CENPU: variants seen among roughly 807,000 people sequenced by gnomAD.
CENPU encodes KSHV latent nuclear antigen interacting protein 1.
Under a neutral mutation model 56.7 loss-of-function variants are expected in CENPU, and 46 were observed. The ratio of observed to expected loss-of-function variants is 0.81; its 90% CI spans 0.64 to 1.04. The LOEUF (loss-of-function observed/expected upper bound fraction) is 1.04, where lower values mean the gene tolerates loss of function less well. Ranked by LOEUF, CENPU falls within the 50% of genes least tolerant of loss-of-function variation. CENPU has a pLI of 0.00. For missense variants in CENPU, 510 were observed against 490.1 expected (o/e 1.04, Z -0.38); for synonymous variants, 166 against 163.0 (o/e 1.02, Z -0.14).
Position 184,694,343 on chromosome 4 carries a change from C to T in CENPU, c.*945G>A, listed in dbSNP as rs368791370. The T allele has an allele frequency of 8.0e-6, 11 of 1,380,840 alleles. No individual in the cohort carries two copies. Among genetic ancestry groups the T allele is most frequent in the Admixed American group, 3.0e-5 (1 of 33,522 alleles). 85.5% of individuals were successfully genotyped at this position (1,380,840 alleles called of 1,614,324 possible). On this transcript the variant is annotated 3_prime_UTR_variant, in exon 13 of 13. Transcript: ENST00000281453. ...GTGTGTCTGAGCTTCAGTGCAGCAACGTTTGAATCAGTGCACTCATTCCCA... is the reference window on the plus strand; with the variant it reads ...GTGTGTCTGAGCTTCAGTGCAGCAATGTTTGAATCAGTGCACTCATTCCCA...
chr4:184,700,846 C>T lies in CENPU; in HGVS notation c.960G>A (p.Met320Ile). 6.2e-7 allele frequency: 1 copy of T among 1,613,992 alleles called. No individual in the cohort carries two copies. The highest frequency in any genetic ancestry group is 8.5e-7 in the Non-Finnish European group (1 of 1,179,830). ...ISDIEKKRQR[M>I]IEVQDELLRL... ...GAAGCAGTTCATCCTGGACTTCAAT[C>T]ATACGCTGCCTTTTCTTTTCGATAT... The change falls in exon 11 of 13, where the codon ATG (methionine) becomes ATA (isoleucine). Residue 320 changes from methionine to isoleucine, a missense_variant. Transcript: ENST00000281453.
At position 184,699,109 on chromosome 4, in the gene CENPU, C is replaced by T. The variant is rs925464662; in HGVS notation, c.987-1306G>A. On this transcript the variant is annotated intron_variant, in intron 11 of 12. Transcript: ENST00000281453. ...TTGGGAGGCCAAGGCAGGCGAATCA[C>T]GAGGTCAGGAGATCCAGAGCATCCT... is the stretch of plus-strand genomic sequence containing the variant. Among the ~76,000 whole-genome samples the T allele has an allele frequency of 2.6e-5, 4 of 152,008 alleles. No individual in the cohort carries two copies. The East Asian group carries it at 5.8e-4, about 22-fold the overall frequency.
intron 11 of CENPU, among the ~76,000 whole-genome samples, chr4:184,699,254 C>T (rs990991113): frequency 3.3e-5 from 5 of 152,076 alleles, no homozygotes; most frequent in African/African-American, 9.7e-5. Context: ...AGCGCGAACC[C>T]GGGAGGCGGA....
At chr4:184,698,588 T>C (rs1320904703) in intron 11 of CENPU, among the ~76,000 whole-genome samples, 3 of 152,056 alleles carry the variant, frequency 2.0e-5, no homozygotes, top group Non-Finnish European at 4.4e-5. Context: ...GTAGCTGGGA[T>C]TACAGGTGCC....
At chr4:184,722,986 C>T (rs1761330613) in intron 4 of CENPU, among the ~76,000 whole-genome samples, 3 of 152,172 alleles carry the variant, frequency 2.0e-5, no homozygotes, top group Admixed American at 6.5e-5. Context: ...AAAGGACAAA[C>T]ACGTTTCATT....
At chr4:184,733,681 C>G (rs1450189049) in intron 1 of CENPU, among the ~76,000 whole-genome samples, 1 of 152,204 alleles carries the variant, frequency 6.6e-6, no homozygotes, top group Non-Finnish European at 1.5e-5. Flanking sequence ...TCTGGCAAAC[C>G]GCAGGCAATA....
intron 7 of CENPU, among the ~76,000 whole-genome samples, chr4:184,711,548 C>G (rs559897729): frequency 1.1e-4 from 16 of 152,218 alleles, no homozygotes; most frequent in African/African-American, 3.9e-4. Context: ...ACCAGCCTCC[C>G]CCTCTCCCCT....
At chr4:184,699,287 G>A (rs931006753) in intron 11 of CENPU, among the ~76,000 whole-genome samples, 20 of 152,126 alleles carry the variant, frequency 1.3e-4, no homozygotes, top group African/African-American at 4.3e-4. Flanking sequence ...CCAAGATAGC[G>A]CCACCGCACT....
At chr4:184,705,894 A>G (rs1041371949) in intron 8 of CENPU, among the ~76,000 whole-genome samples, 1 of 152,236 alleles carries the variant, frequency 6.6e-6, no homozygotes, top group Non-Finnish European at 1.5e-5. Context: ...TCCGTGAAGT[A>G]TTCGAAGTAG....
intron 3 of CENPU, among the ~76,000 whole-genome samples, 169 bp downstream of exon 3, chr4:184,728,749 C>A (rs1761539885): frequency 6.6e-6 from 1 of 152,078 alleles, no homozygotes; most frequent in South Asian, 2.1e-4. Flanking sequence ...TTTCAATGTA[C>A]CCGTAAGTGA....
At position 184,712,150 on chromosome 4, in the gene CENPU, C is replaced by T. The variant is rs1336761143; in HGVS notation, c.688+794G>A. ...AAAAAAAAAAAAAAGTTCACAGCAG[C>T]TTTATTCAAATAGCCAAAACCTGAA... is the stretch of plus-strand genomic sequence containing the variant. On this transcript the variant is annotated intron_variant, in intron 7 of 12. Coordinates refer to ENST00000281453, the MANE Select transcript of CENPU (RefSeq NM_024629.4). Among the ~76,000 whole-genome samples the T allele has an allele frequency of 2.7e-5, 4 of 149,392 alleles. No homozygotes were observed. In the East Asian group the frequency reaches 7.8e-4, roughly 29 times the overall value.
chr4:184,711,107 CA>C (rs1465118908), intron 7 of CENPU, among the ~76,000 whole-genome samples: 3 of 150,624 alleles, frequency 2.0e-5, no homozygotes, highest in African/African-American at 7.4e-5. Context: ...TCTCTCACCT[CA>C]GCCTCCCAAA....
chr4:184,700,692 G>T, intron 11 of CENPU, 128 bp downstream of exon 11: 2 of 821,826 alleles, frequency 2.4e-6, no homozygotes, highest in Non-Finnish European at 4.2e-6. Context: ...TGCCTTCACT[G>T]AGTATCGGAG....
chr4:184,695,201 A>G lies in CENPU; in HGVS notation c.*87T>C, dbSNP rs1561122568. Reference sequence around the variant, plus strand: ...CTAAGTAGGCCATAACTTCTTTGCAAAACAATTGATTTATAAAGGTACAGT... The same window carrying G: ...CTAAGTAGGCCATAACTTCTTTGCAGAACAATTGATTTATAAAGGTACAGT... On this transcript the variant is annotated 3_prime_UTR_variant, in exon 13 of 13. Transcript: ENST00000281453. 6.5e-6 allele frequency: 6 copies of G among 916,170 alleles called. No individual in the cohort carries two copies. The highest frequency in any genetic ancestry group is 4.2e-5 in the South Asian group (3 of 71,512). The allele number at this position is 916,170 out of a possible 1,614,324, so 56.8% of individuals were successfully genotyped here. A position where few individuals can be genotyped will look rare whatever the true frequency, so the allele number is the denominator to read the frequency against.
intron 1 of CENPU, chr4:184,733,387 A>T (rs1306554427): frequency 2.0e-6 from 2 of 990,900 alleles, no homozygotes; most frequent in Non-Finnish European, 2.4e-6. Flanking sequence ...CGTCTGCAGC[A>T]AGCCGAGACC....
chr4:184,728,463 A>G (rs1761530163), intron 3 of CENPU, among the ~76,000 whole-genome samples: 1 of 152,158 alleles, frequency 6.6e-6, no homozygotes. Context: ...ACTCCTGGCC[A>G]GCCTGGTACT....
chr4:184,732,571 C>A (rs914918379), intron 1 of CENPU, among the ~76,000 whole-genome samples: 1 of 151,960 alleles, frequency 6.6e-6, no homozygotes, highest in Admixed American at 6.6e-5. Flanking sequence ...CACACTAGAC[C>A]ACATAAACTT....
rs764685593 is a variant in CENPU at position 184,716,511 on chromosome 4, T to C, written c.504A>G (p.Thr168=). ...STQRHEVIRT[T]ASSELSEKPA... ...GTTTCTCTGAAAGTTCTGAAGACGC[T>C]GTGGTTCGAATAACCTCATGACGTT... is the stretch of plus-strand genomic sequence containing the variant. The change falls in exon 6 of 13, where the codon ACA becomes ACG. Residue 168 remains threonine, a synonymous_variant. Transcript: ENST00000281453. 1 of 1,614,218 alleles carries C rather than the reference T, an allele frequency of 6.2e-7. No homozygotes were observed. The highest frequency in any genetic ancestry group is 8.5e-7 in the Non-Finnish European group (1 of 1,180,038).
Position 184,716,533 on chromosome 4 carries a change from C to T in CENPU, c.482G>A (p.Arg161His), listed in dbSNP as rs758003193. 1.3e-5 allele frequency: 21 copies of T among 1,614,038 alleles called. No homozygotes were observed. The highest frequency in any genetic ancestry group is 4.4e-5 in the South Asian group (4 of 91,090). ...VKSAEKISTQ[R>H]HEVIRTTASS... ...CGCTGTGGTTCGAATAACCTCATGA[C>T]GTTGTGTACTTATTTTCTCTGCTGA... Residue 161 changes from arginine (R) to histidine (H), a missense_variant, in exon 6 of 13, where the codon CGT (arginine) becomes CAT (histidine). Arg to His is a conservative substitution (Grantham distance 29). Coordinates refer to ENST00000281453, the MANE Select transcript of CENPU (RefSeq NM_024629.4).
Sources: allele counts gnomAD v4.1 joint callset (sites outside exome capture counted in the v4.1 genomes callset), GRCh38; gene constraint gnomAD v4.1.1; transcripts MANE v1.5; gene names NCBI Gene and HGNC (gene_info 2026-07-23, HGNC 2026-07-21).